The following CCNY variants were observed in gnomAD, a reference collection of about 807,000 sequenced individuals.
CCNY encodes the protein cyclin Y, also known as cyclin-Y.
Under a neutral mutation model 42.8 loss-of-function variants are expected in CCNY, and 19 were observed. That is an observed-to-expected ratio of 0.44 (90% CI 0.31 to 0.65). The LOEUF (loss-of-function observed/expected upper bound fraction) is 0.65. Among genes scored for constraint, CCNY ranks in the 30% least tolerant of loss-of-function variants. The pLI is 0.07. For synonymous variants in CCNY, 165 were observed against 162.7 expected (o/e 1.01, Z -0.11); for missense variants, 370 against 437.3 (o/e 0.85, Z 1.37).
At chr10:35,305,299 T>C (rs543858178) in intron 3 of CCNY, among the ~76,000 whole-genome samples, 1 of 152,338 alleles carries the variant, frequency 6.6e-6, no homozygotes, top group East Asian at 1.9e-4. Context: ...TCCCCCCTGC[T>C]AAGGAGTAAA....
intron 1 of CCNY, among the ~76,000 whole-genome samples, chr10:35,457,214 G>T (rs1292152008): frequency 6.6e-6 from 1 of 152,148 alleles, no homozygotes. Context: ...GCTAATTTCT[G>T]ATTATGTAGC....
chr10:35,323,272 G>A (rs1835842419), intron 3 of CCNY, among the ~76,000 whole-genome samples: 2 of 152,062 alleles, frequency 1.3e-5, no homozygotes, highest in Non-Finnish European at 2.9e-5. Context: ...ATACAACCCA[G>A]TAGTCTTACT....
At chr10:35,449,515 G>A (rs1443771768) in intron 1 of CCNY, among the ~76,000 whole-genome samples, 2 of 152,158 alleles carry the variant, frequency 1.3e-5, no homozygotes, top group Non-Finnish European at 2.9e-5. Flanking sequence ...TGAACAGGAA[G>A]CAAAGAAATA....
intron 8 of CCNY, among the ~76,000 whole-genome samples, chr10:35,557,761 T>TA (rs566127111): frequency 2.6e-5 from 4 of 151,904 alleles, no homozygotes; most frequent in Non-Finnish European, 5.9e-5. Context: ...ATTTTATATT[T>TA]AAAAAAAAGT....
chr10:35,525,243 CTA>C (rs1260975635), intron 4 of CCNY, among the ~76,000 whole-genome samples: 1 of 151,954 alleles, frequency 6.6e-6, no homozygotes, highest in African/African-American at 2.4e-5. Context: ...TTATAGAAAG[CTA>C]TATATCTTAA....
chr10:35,483,266 C>A, intron 1 of CCNY, 138 bp from the exon 2 acceptor site: 2 of 637,230 alleles, frequency 3.1e-6, no homozygotes, highest in South Asian at 3.8e-5. Context: ...CCAAAAGAAT[C>A]TATTAACATA....
intron 1 of CCNY, among the ~76,000 whole-genome samples, chr10:35,433,680 C>T (rs1263364883): frequency 3.3e-5 from 5 of 152,260 alleles, no homozygotes; most frequent in East Asian, 1.9e-4. Context: ...GGTGCGATCT[C>T]GGCTTACTGC....
In CCNY at chr10:35,569,778, C is replaced by G. The variant is rs1423627282; in HGVS notation, c.*608C>G. On this transcript the variant is annotated 3_prime_UTR_variant, in exon 10 of 10. Coordinates refer to ENST00000374704, the MANE Select transcript of CCNY (RefSeq NM_145012.6). ...GCTGTCTTCTGAGCTTTCTTCCTCA[C>G]CAGTGGGCTGTGCTTGTTCCATTTC... The G allele has an allele frequency of 6.5e-6, 1 of 154,132 alleles. No individual in the cohort carries two copies. Among genetic ancestry groups the G allele is most frequent in the Non-Finnish European group, 1.5e-5 (1 of 68,922 alleles). The allele number at this position is 154,132 out of a possible 1,614,324, so 9.5% of individuals were successfully genotyped here.
intron 1 of CCNY, among the ~76,000 whole-genome samples, chr10:35,380,891 T>A (rs1837168528): frequency 6.6e-6 from 1 of 152,176 alleles, no homozygotes; most frequent in Non-Finnish European, 1.5e-5. Flanking sequence ...TTATTGTGAT[T>A]TTCTGTGGCT....
chr10:35,396,729 G>T (rs753513277), intron 1 of CCNY, among the ~76,000 whole-genome samples: 2 of 152,200 alleles, frequency 1.3e-5, no homozygotes, highest in Non-Finnish European at 2.9e-5. Context: ...ACCCTGCAGC[G>T]TGGGAGCAGT....
chr10:35,365,956 C>A (rs1836799796), intron 1 of CCNY, among the ~76,000 whole-genome samples: 1 of 152,208 alleles, frequency 6.6e-6, no homozygotes, highest in Admixed American at 6.5e-5. Flanking sequence ...CAGAGATTCT[C>A]TTCTATTTGG....
intron 1 of CCNY, among the ~76,000 whole-genome samples, chr10:35,348,113 C>T (rs1336650155): frequency 6.6e-6 from 1 of 152,144 alleles, no homozygotes; most frequent in African/African-American, 2.4e-5. Flanking sequence ...GTGCTTGTTG[C>T]TCTTTTGCTT....
intron 1 of CCNY, among the ~76,000 whole-genome samples, chr10:35,402,042 G>T (rs758981868): frequency 3.3e-5 from 5 of 152,126 alleles, no homozygotes; most frequent in Non-Finnish European, 7.3e-5. Flanking sequence ...ATATTAATAA[G>T]AAAAATAAAA....
chr10:35,545,203 T>C (rs1166298835), intron 7 of CCNY, among the ~76,000 whole-genome samples: 1 of 152,226 alleles, frequency 6.6e-6, no homozygotes, highest in Non-Finnish European at 1.5e-5. Flanking sequence ...GTCTGTGAGC[T>C]ACTCCCGGAC....
At chr10:35,424,345 A>G (rs982910031) in intron 1 of CCNY, among the ~76,000 whole-genome samples, 22 of 151,890 alleles carry the variant, frequency 1.4e-4, no homozygotes, top group Admixed American at 5.9e-4. Flanking sequence ...TCCTGCCTCA[A>G]CCTCCCAAGT....
At chr10:35,449,806 C>A in intron 1 of CCNY, 4 of 985,196 alleles carry the variant, frequency 4.1e-6, no homozygotes, top group Non-Finnish European at 4.8e-6. Flanking sequence ...CTCAGCTGAA[C>A]GGACAGTAAG....
chr10:35,430,059 C>G (rs541105880), intron 1 of CCNY, among the ~76,000 whole-genome samples: 3 of 151,900 alleles, frequency 2.0e-5, no homozygotes, highest in Non-Finnish European at 2.9e-5. Context: ...GATGAGATGC[C>G]GGGCGCGGTG....
intron 3 of CCNY, among the ~76,000 whole-genome samples, chr10:35,514,182 G>A (rs1245019722): frequency 6.6e-6 from 1 of 151,802 alleles, no homozygotes; most frequent in South Asian, 2.1e-4. Context: ...TTCAGATCAA[G>A]AGAAGTTCAC....
intron 1 of CCNY, among the ~76,000 whole-genome samples, chr10:35,472,039 G>A (rs1839401161): frequency 6.6e-6 from 1 of 152,180 alleles, no homozygotes; most frequent in East Asian, 1.9e-4. Flanking sequence ...GTGTCTCTAA[G>A]CCTAACATTT....
Sources: gnomAD v4.1 joint callset for allele counts (sites outside exome capture counted in the v4.1 genomes callset) on GRCh38, gnomAD v4.1.1 for gene constraint, MANE v1.5 for transcripts, NCBI Gene and HGNC (gene_info 2026-07-23, HGNC 2026-07-21) for gene names.